Variants in GADL1 observed in about 807,000 individuals in gnomAD.
GADL1 encodes GAD like acidic amino acid decarboxylase 1, also known as acidic amino acid decarboxylase GADL1.
GADL1 carries 71 observed loss-of-function variants against 69.5 expected under a neutral mutation model. The ratio of observed to expected loss-of-function variants is 1.02; its 90% CI spans 0.84 to 1.25. GADL1 has a LOEUF of 1.25. GADL1 is among the 50% of genes most tolerant of loss of function. The pLI, the probability that GADL1 is intolerant of heterozygous loss-of-function variation, is 0.00. For synonymous variants in GADL1, 254 were observed against 214.4 expected, an observed-to-expected ratio of 1.18 and a Z score of -1.62; for missense variants, 737 against 631.8, an observed-to-expected ratio of 1.17 and a Z score of -1.79.
chr3:30,852,738 C>T (rs1432655885), intron 4 of GADL1, among the ~76,000 whole-genome samples: 1 of 151,980 alleles, frequency 6.6e-6, no homozygotes, highest in Non-Finnish European at 1.5e-5. Flanking sequence ...AGATAGAACA[C>T]ACTCATGGGT....
intron 1 of GADL1, among the ~76,000 whole-genome samples, chr3:30,883,030 G>A (rs959567259): frequency 2.0e-5 from 3 of 151,838 alleles, no homozygotes; most frequent in African/African-American, 7.3e-5. Flanking sequence ...ATTGTTTTGA[G>A]TTCTAGGAGT....
chr3:30,845,758 G>A (rs2125529555), intron 6 of GADL1, among the ~76,000 whole-genome samples: 1 of 152,256 alleles, frequency 6.6e-6, no homozygotes, highest in South Asian at 2.1e-4. Flanking sequence ...TATGCTGGCT[G>A]GCGGTAACCT....
At chr3:30,774,889 C>A (rs940468922) in intron 14 of GADL1, among the ~76,000 whole-genome samples, 1 of 152,036 alleles carries the variant, frequency 6.6e-6, no homozygotes, top group African/African-American at 2.4e-5. Context: ...CATGAAGAAG[C>A]AGAGACGGAG....
At chr3:30,787,693 A>T (rs909355912) in intron 12 of GADL1, among the ~76,000 whole-genome samples, 2 of 152,190 alleles carry the variant, frequency 1.3e-5, no homozygotes, top group African/African-American at 4.8e-5. Context: ...TATTCAACTA[A>T]TATTTAAAGA....
chr3:30,753,479 T>G (rs1460462777), intron 14 of GADL1, among the ~76,000 whole-genome samples: 1 of 148,776 alleles, frequency 6.7e-6, no homozygotes. Flanking sequence ...TTTTCAATCC[T>G]AAAAAACCAA....
chr3:30,886,059 A>G (rs1698701949), intron 1 of GADL1, among the ~76,000 whole-genome samples: 1 of 152,172 alleles, frequency 6.6e-6, no homozygotes, highest in Non-Finnish European at 1.5e-5. Context: ...ACATCAACAA[A>G]AGGCTTAAAA....
At chr3:30,800,804 TAGACACACACAC>T in intron 12 of GADL1, 73 bp downstream of exon 12, 5 of 961,120 alleles carry the variant, frequency 5.2e-6, no homozygotes, top group Middle Eastern at 3.0e-4. Context: ...CAGACACAGA[TAGACACACACAC>T]ACACACACAC....
intron 12 of GADL1, among the ~76,000 whole-genome samples, chr3:30,791,634 C>T (rs771916222): frequency 1.7e-4 from 26 of 152,124 alleles, no homozygotes; most frequent in Non-Finnish European, 2.6e-4. Context: ...TTTTTGCTAA[C>T]CATGTAGATC....
chr3:30,801,155 C>G lies in GADL1; in HGVS notation c.1051-67G>C, dbSNP rs1026786757. The G allele has an allele frequency of 1.4e-5, 16 of 1,157,470 alleles. No homozygotes were observed. In the African/African-American group the frequency reaches 2.4e-4, roughly 17 times the overall value. 71.7% of individuals were successfully genotyped at this position (1,157,470 alleles called of 1,614,324 possible). On this transcript the variant is annotated intron_variant, in intron 11 of 14. Coordinates refer to ENST00000282538, the MANE Select transcript of GADL1 (RefSeq NM_207359.3). ...TATAACTTGATTTTGAAAGCAAACA[C>G]ATGTACACACACAATGTGTATATTC...
chr3:30,790,303 T>G (rs762730211), intron 12 of GADL1, among the ~76,000 whole-genome samples: 35 of 152,192 alleles, frequency 2.3e-4, no homozygotes, highest in Non-Finnish European at 4.6e-4. Flanking sequence ...GGGTGCATTC[T>G]ATGGAGCCCC....
chr3:30,859,893 A>C (rs966295133), intron 2 of GADL1, among the ~76,000 whole-genome samples: 18 of 151,884 alleles, frequency 1.2e-4, no homozygotes, highest in African/African-American at 4.3e-4. Context: ...ATTACATTGT[A>C]ATTGACTTGT....
At chr3:30,878,263 C>T (rs1190039443) in intron 1 of GADL1, among the ~76,000 whole-genome samples, 3 of 151,838 alleles carry the variant, frequency 2.0e-5, no homozygotes, top group Admixed American at 6.6e-5. Context: ...TTCTTATTTA[C>T]GTAACTAACA....
rs141909449 is a variant in GADL1 at position 30,824,187 on chromosome 3, A to G, written c.1050+9666T>C. On this transcript the variant is annotated intron_variant, in intron 11 of 14. Transcript: ENST00000282538. ...AATATTTTTAAAGCTTGAAAATTTT[A>G]AAAGAAGCCAGAGGAAAAAAAGTCA... Among the ~76,000 whole-genome samples, 429 of 151,948 alleles carry G rather than the reference A, an allele frequency of 2.8e-3. 3 individuals carry two copies. The highest frequency in any genetic ancestry group is 1.0e-2 in the African/African-American group (415 of 41,524).
intron 8 of GADL1, among the ~76,000 whole-genome samples, chr3:30,839,545 C>A (rs1697933578): frequency 9.4e-6 from 1 of 105,914 alleles, no homozygotes; most frequent in Non-Finnish European, 1.7e-5. Context: ...AGACAGAGCT[C>A]CCGGAGTAAA....
chr3:30,786,841 A>G (rs977521764), intron 12 of GADL1, among the ~76,000 whole-genome samples: 34 of 152,222 alleles, frequency 2.2e-4, no homozygotes, highest in African/African-American at 7.7e-4. Flanking sequence ...ACTTAAAATC[A>G]AGAAAGATCA....
intron 14 of GADL1, among the ~76,000 whole-genome samples, chr3:30,773,898 G>T (rs538736039): frequency 2.0e-5 from 3 of 151,902 alleles, no homozygotes; most frequent in Non-Finnish European, 4.4e-5. Context: ...GGAATCTCCT[G>T]ACGCTCACCA....
intron 14 of GADL1, among the ~76,000 whole-genome samples, chr3:30,775,875 T>C (rs1696525052): frequency 3.3e-5 from 5 of 152,112 alleles, no homozygotes; most frequent in Admixed American, 3.3e-4. Context: ...GGCAGGTGGA[T>C]CACCTGAGGT....
chr3:30,756,685 G>C (rs1462983297), intron 14 of GADL1, among the ~76,000 whole-genome samples: 1 of 152,162 alleles, frequency 6.6e-6, no homozygotes, highest in Admixed American at 6.6e-5. Context: ...GCCTGATTGG[G>C]AAGTAGAGAT....
intron 13 of GADL1, among the ~76,000 whole-genome samples, chr3:30,780,547 G>GTTC (rs1416808274): frequency 1.3e-5 from 2 of 152,076 alleles, no homozygotes; most frequent in African/African-American, 4.8e-5. Context: ...TTACCATGCA[G>GTTC]TTCTTGTCTT....
Sources: gnomAD v4.1 joint callset for allele counts (sites outside exome capture counted in the v4.1 genomes callset) on GRCh38, gnomAD v4.1.1 for gene constraint, MANE v1.5 for transcripts, NCBI Gene and HGNC (gene_info 2026-07-23, HGNC 2026-07-21) for gene names.